Variants in GPM6A observed in about 807,000 individuals in gnomAD.
GPM6A encodes glycoprotein M6A, also known as neuronal membrane glycoprotein M6-a.
GPM6A carries 7 observed loss-of-function variants against 32.1 expected under a neutral mutation model. The ratio of observed to expected loss-of-function variants is 0.22; its 90% CI spans 0.12 to 0.41. GPM6A has a LOEUF of 0.41. GPM6A is among the 10% of genes least tolerant of loss of function. GPM6A has a pLI of 1.00. For missense variants in GPM6A, 235 were observed against 347.2 expected (o/e 0.68, Z 2.57); for synonymous variants, 130 against 123.4 (o/e 1.05, Z -0.35).
At chr4:175,673,653 A>T in intron 3 of GPM6A, 27 bp downstream of exon 3, 3 of 1,545,160 alleles carry the variant, frequency 1.9e-6, no homozygotes, top group Non-Finnish European at 1.8e-6. Context: ...ATCCACATTA[A>T]ATACTGAATG....
chr4:175,811,963 C>G, intron 1 of GPM6A: 1 of 439,016 alleles, frequency 2.3e-6, no homozygotes. Context: ...ATGCTCTTCT[C>G]ACTAATACTC....
At chr4:175,701,099 C>A (rs1022779629) in intron 2 of GPM6A, among the ~76,000 whole-genome samples, 1 of 152,134 alleles carries the variant, frequency 6.6e-6, no homozygotes, top group Non-Finnish European at 1.5e-5. Context: ...AAGAACTTTG[C>A]ACAATATTTA....
chr4:175,792,802 G>A (rs1405026332), intron 1 of GPM6A, among the ~76,000 whole-genome samples: 1 of 152,152 alleles, frequency 6.6e-6, no homozygotes, highest in East Asian at 1.9e-4. Flanking sequence ...TCATGTTATT[G>A]TATTCATAAT....
chr4:175,973,990 T>C (rs910059990), intron 1 of GPM6A, among the ~76,000 whole-genome samples: 1 of 152,148 alleles, frequency 6.6e-6, no homozygotes, highest in African/African-American at 2.4e-5. Context: ...CCCAGCATTT[T>C]GGGAGGCCGA....
At chr4:175,808,204 G>A (rs941426699) in intron 1 of GPM6A, among the ~76,000 whole-genome samples, 1 of 152,114 alleles carries the variant, frequency 6.6e-6, no homozygotes, top group African/African-American at 2.4e-5. Flanking sequence ...AAAAATGTCT[G>A]AAGAGACTTT....
chr4:175,833,114 G>T (rs957915258), intron 1 of GPM6A, among the ~76,000 whole-genome samples: 2 of 152,210 alleles, frequency 1.3e-5, no homozygotes, highest in African/African-American at 4.8e-5. Context: ...CTCAGAATAT[G>T]GGAGGAGCTG....
In GPM6A at chr4:175,713,774, C is replaced by T. The variant is rs373129628; in HGVS notation, c.38-12007G>A. On this transcript the variant is annotated intron_variant, in intron 1 of 6. Transcript: ENST00000393658. Reference sequence around the variant, plus strand: ...TAAACAGGAAAAAATTCGCAGCGTTCAAAGGCATTTTTGTATCCTCTAGTA... The same window carrying T: ...TAAACAGGAAAAAATTCGCAGCGTTTAAAGGCATTTTTGTATCCTCTAGTA... 2.5e-3 allele frequency among the ~76,000 whole-genome samples: 378 copies of T among 152,200 alleles called. 5 individuals carry two copies. The highest frequency in any genetic ancestry group is 8.8e-3 in the African/African-American group (364 of 41,530).
At chr4:175,980,134 T>C (rs1740778000) in intron 1 of GPM6A, among the ~76,000 whole-genome samples, 1 of 152,094 alleles carries the variant, frequency 6.6e-6, no homozygotes, top group South Asian at 2.1e-4. Context: ...CTCAGGCAGG[T>C]GGATTACTTG....
At chr4:175,868,754 T>G (rs889564191) in intron 1 of GPM6A, among the ~76,000 whole-genome samples, 14 of 152,230 alleles carry the variant, frequency 9.2e-5, no homozygotes, top group African/African-American at 2.7e-4. Flanking sequence ...GCCTGTTATA[T>G]CTCATTATTA....
chr4:175,666,136 T>C (rs1267716231), intron 3 of GPM6A, among the ~76,000 whole-genome samples: 1 of 151,950 alleles, frequency 6.6e-6, no homozygotes, highest in African/African-American at 2.4e-5. Flanking sequence ...GCCAGGCTGG[T>C]CTCGATCTCC....
rs1230130249 is a variant in GPM6A, at chr4:175,633,615, TGAAAA to T, written c.*1285_*1289del. 2 of 152,500 alleles carry T rather than the reference TGAAAA, an allele frequency of 1.3e-5. No individual in the cohort carries two copies. Among genetic ancestry groups the T allele is most frequent in the African/African-American group, 2.4e-5 (1 of 41,424 alleles). The allele number at this position is 152,500 out of a possible 1,614,324, so 9.4% of individuals were successfully genotyped here. ...AGCATTCTTGTAGCATTAGAAATAATGAAAAGAAGAGCGTCAAGGTGAAAACAAAC... is the reference window on the plus strand; with the variant it reads ...AGCATTCTTGTAGCATTAGAAATAATGAAGAGCGTCAAGGTGAAAACAAAC... On this transcript the variant is annotated 3_prime_UTR_variant, in exon 7 of 7. Coordinates refer to ENST00000393658, the MANE Select transcript of GPM6A (RefSeq NM_201591.3).
chr4:175,874,704 G>C (rs1031253553), intron 1 of GPM6A, among the ~76,000 whole-genome samples: 3 of 152,138 alleles, frequency 2.0e-5, no homozygotes, highest in African/African-American at 7.2e-5. Context: ...GACGAGAAAG[G>C]AAGTGTATGA....
At chr4:175,829,976 C>T (rs1735559819) in intron 1 of GPM6A, among the ~76,000 whole-genome samples, 1 of 152,138 alleles carries the variant, frequency 6.6e-6, no homozygotes, top group Non-Finnish European at 1.5e-5. Flanking sequence ...TCAAACTAAG[C>T]CCAGTGTCTA....
intron 1 of GPM6A, among the ~76,000 whole-genome samples, chr4:175,785,333 C>A (rs1312555126): frequency 6.6e-6 from 1 of 152,166 alleles, no homozygotes; most frequent in East Asian, 1.9e-4. Flanking sequence ...GAGGAGACTG[C>A]AGATGTCCCA....
At position 175,714,664 on chromosome 4, in the gene GPM6A, C is replaced by T. The variant is rs916336093; in HGVS notation, c.38-12897G>A. ...ATTGACAGTAGATACTGCCAGAGTACATGAAAGCCTATTTATTATGAATTT... is the reference window on the plus strand; with the variant it reads ...ATTGACAGTAGATACTGCCAGAGTATATGAAAGCCTATTTATTATGAATTT... On this transcript the variant is annotated intron_variant, in intron 1 of 6. Coordinates refer to ENST00000393658, the MANE Select transcript of GPM6A (RefSeq NM_201591.3). Among the ~76,000 whole-genome samples, 45 of 152,112 alleles carry T rather than the reference C, an allele frequency of 3.0e-4. 1 individual carries two copies. Among genetic ancestry groups the T allele is most frequent in the Non-Finnish European group, 6.3e-4 (43 of 68,036 alleles).
intron 1 of GPM6A, among the ~76,000 whole-genome samples, chr4:175,923,595 C>T (rs911723068): frequency 2.0e-5 from 3 of 151,746 alleles, no homozygotes; most frequent in African/African-American, 7.3e-5. Context: ...GCTCTCTTGC[C>T]CAGGCTGGAG....
chr4:175,994,689 G>A (rs568475008), intron 1 of GPM6A, among the ~76,000 whole-genome samples: 2 of 152,294 alleles, frequency 1.3e-5, no homozygotes, highest in African/African-American at 4.8e-5. Context: ...GCTGAAGGTG[G>A]TTGGGCAATT....
At chr4:175,701,549 T>A in intron 2 of GPM6A, 26 bp downstream of exon 2, 1 of 1,547,452 alleles carries the variant, frequency 6.5e-7, no homozygotes, top group African/African-American at 1.4e-5. Flanking sequence ...ACATGGAAAA[T>A]AACAAGAAAT....
chr4:175,776,435 G>GA (rs1733397926), intron 1 of GPM6A, among the ~76,000 whole-genome samples: 1 of 152,136 alleles, frequency 6.6e-6, no homozygotes, highest in South Asian at 2.1e-4. Flanking sequence ...AGCTCACACT[G>GA]AAAGAGCAAA....
Sources: allele counts gnomAD v4.1 joint callset (sites outside exome capture counted in the v4.1 genomes callset), GRCh38; gene constraint gnomAD v4.1.1; transcripts MANE v1.5; gene names NCBI Gene and HGNC (gene_info 2026-07-23, HGNC 2026-07-21).